SENP7: variants seen among roughly 807,000 people sequenced by gnomAD.
The protein encoded by SENP7 is SUMO specific peptidase 7.
In SENP7, 64 loss-of-function variants were observed where a neutral mutation model predicts 141.2. The observed-to-expected ratio is 0.45, with a 90% confidence interval of 0.37 to 0.56. The LOEUF (loss-of-function observed/expected upper bound fraction) is 0.56, where lower values mean the gene tolerates loss of function less well. Ranked by LOEUF, SENP7 falls within the 20% of genes least tolerant of loss-of-function variation. The probability of loss-of-function intolerance (pLI) is 0.00; values close to 1 mark genes in which losing one functional copy is unlikely to be tolerated. For missense variants in SENP7, 1,025 were observed against 1,212.2 expected, an observed-to-expected ratio of 0.85 and a Z score of 2.29; for synonymous variants, 382 against 426.4, an observed-to-expected ratio of 0.90 and a Z score of 1.28.
At chr3:101,503,353 C>T (rs896838699) in intron 1 of SENP7, among the ~76,000 whole-genome samples, 3 of 152,184 alleles carry the variant, frequency 2.0e-5, no homozygotes, top group Admixed American at 6.5e-5. Flanking sequence ...TAGACACCTG[C>T]CTATGCAATG....
intron 3 of SENP7, among the ~76,000 whole-genome samples, chr3:101,485,018 C>G (rs1399963500): frequency 1.3e-5 from 2 of 151,954 alleles, no homozygotes; most frequent in Non-Finnish European, 2.9e-5. Flanking sequence ...CTGCATGACT[C>G]AGCAAAGGCA....
At chr3:101,353,275 T>C (rs1225011774) in intron 11 of SENP7, among the ~76,000 whole-genome samples, 2 of 151,988 alleles carry the variant, frequency 1.3e-5, no homozygotes, top group Admixed American at 6.6e-5. Flanking sequence ...AGAAGCGGTG[T>C]TTGCCTTTCA....
intron 4 of SENP7, among the ~76,000 whole-genome samples, chr3:101,419,338 A>G (rs181451416): frequency 4.8e-4 from 73 of 152,366 alleles, no homozygotes; most frequent in African/African-American, 1.7e-3. Flanking sequence ...GTCAACAACA[A>G]TGGAAATCCA....
At chr3:101,345,219 T>C (rs542568489) in intron 13 of SENP7, among the ~76,000 whole-genome samples, 1 of 134,334 alleles carries the variant, frequency 7.4e-6, no homozygotes, top group Admixed American at 7.1e-5. Flanking sequence ...ATATGAATTT[T>C]AGGATTGTTT....
intron 3 of SENP7, among the ~76,000 whole-genome samples, chr3:101,463,370 T>TATATATATATATATATATATATATAC (rs2063623803): frequency 1.2e-5 from 1 of 83,648 alleles, no homozygotes; most frequent in Non-Finnish European, 2.3e-5. Context: ...AATAAATATA[T>TATATATATATATATATATATATATAC]ATATATATAT....
chr3:101,476,052 G>C (rs2064201114), intron 3 of SENP7, among the ~76,000 whole-genome samples: 1 of 152,066 alleles, frequency 6.6e-6, no homozygotes, highest in South Asian at 2.1e-4. Flanking sequence ...CTTCTCACGA[G>C]CACAAAGAAC....
chr3:101,400,913 G>A lies in SENP7; in HGVS notation c.483-1858C>T, dbSNP rs143634148. Among the ~76,000 whole-genome samples the A allele has an allele frequency of 5.9e-4, 90 of 151,876 alleles. 1 individual carries two copies. Among genetic ancestry groups the A allele is most frequent in the African/African-American group, 2.0e-3 (82 of 41,410 alleles). On this transcript the variant is annotated intron_variant, in intron 5 of 23. Coordinates refer to ENST00000394095, the MANE Select transcript of SENP7 (RefSeq NM_020654.5). Reference sequence around the variant, plus strand: ...AGACTGAGGCCAGCCTGGGAAACACGGCAAGACTCCATCTCTACAAAACAT... The same window carrying A: ...AGACTGAGGCCAGCCTGGGAAACACAGCAAGACTCCATCTCTACAAAACAT...
chr3:101,483,465 G>C (rs142449881), intron 3 of SENP7, among the ~76,000 whole-genome samples: 1 of 152,258 alleles, frequency 6.6e-6, no homozygotes, highest in African/African-American at 2.4e-5. Context: ...GGGACTACTA[G>C]TGGGGAATAA....
intron 4 of SENP7, among the ~76,000 whole-genome samples, chr3:101,442,486 A>C (rs9843186): frequency 0.68 from 103,560 of 152,030 alleles, 35,790 homozygotes; most frequent in African/African-American, 0.78. Context: ...AGGCAGAGCT[A>C]AGGCAGTAAT....
At chr3:101,438,868 C>T (rs1000179356) in intron 4 of SENP7, among the ~76,000 whole-genome samples, 23 of 151,682 alleles carry the variant, frequency 1.5e-4, no homozygotes, top group Admixed American at 5.3e-4. Context: ...GAGGAGCGGA[C>T]GGGCCCCGCG....
At chr3:101,331,329 A>T (rs930099412) in intron 19 of SENP7, among the ~76,000 whole-genome samples, 3 of 151,978 alleles carry the variant, frequency 2.0e-5, no homozygotes, top group Non-Finnish European at 2.9e-5. Context: ...AAAAAAATTT[A>T]AAAATAAGCC....
intron 6 of SENP7, among the ~76,000 whole-genome samples, chr3:101,396,538 T>A (rs2060973740): frequency 6.6e-6 from 1 of 152,202 alleles, no homozygotes; most frequent in Non-Finnish European, 1.5e-5. Flanking sequence ...TTTCATTTAT[T>A]TTATGGGCTC....
At chr3:101,488,752 G>T (rs538996753) in intron 3 of SENP7, among the ~76,000 whole-genome samples, 97 of 152,332 alleles carry the variant, frequency 6.4e-4, no homozygotes, top group African/African-American at 2.2e-3. Flanking sequence ...TGACGCAGGA[G>T]AATTGCTTGA....
At chr3:101,333,162 G>A (rs1464201708) in intron 17 of SENP7, 2 of 311,130 alleles carry the variant, frequency 6.4e-6, no homozygotes, top group Non-Finnish European at 1.2e-5. Flanking sequence ...TACTTATTTT[G>A]CTTAGCTCCA....
At chr3:101,504,607 T>C (rs553618347) in intron 1 of SENP7, among the ~76,000 whole-genome samples, 9 of 152,364 alleles carry the variant, frequency 5.9e-5, no homozygotes, top group Non-Finnish European at 1.0e-4. Context: ...ATTCATTTTC[T>C]AGTCAATTTT....
chr3:101,475,979 A>G (rs1057402297), intron 3 of SENP7, among the ~76,000 whole-genome samples: 2 of 152,224 alleles, frequency 1.3e-5, no homozygotes, highest in South Asian at 2.1e-4. Context: ...TCTGCACTAT[A>G]GACCAAATGG....
intron 5 of SENP7, among the ~76,000 whole-genome samples, chr3:101,416,277 A>G (rs546932964): frequency 8.5e-5 from 13 of 152,316 alleles, no homozygotes; most frequent in South Asian, 6.2e-4. Flanking sequence ...GAATTTCATG[A>G]GCACATAATC....
At chr3:101,463,786 G>GA (rs1576432756) in intron 3 of SENP7, among the ~76,000 whole-genome samples, 3 of 151,962 alleles carry the variant, frequency 2.0e-5, no homozygotes, top group East Asian at 3.9e-4. Context: ...GAAATTACCA[G>GA]AAAAAAACTT....
chr3:101,431,508 C>CTTTTTTTTTTTTTTTTTTTTT (rs56937965), intron 4 of SENP7, among the ~76,000 whole-genome samples: 1 of 82,906 alleles, frequency 1.2e-5, no homozygotes, highest in Non-Finnish European at 2.2e-5. Flanking sequence ...GCAACCCCTG[C>CTTTTTTTTTTTTTTTTTTTTT]TTTTTTTTTT....
Sources: gnomAD v4.1 joint callset for allele counts (sites outside exome capture counted in the v4.1 genomes callset) on GRCh38, gnomAD v4.1.1 for gene constraint, MANE v1.5 for transcripts, NCBI Gene and HGNC (gene_info 2026-07-23, HGNC 2026-07-21) for gene names.